Variants in WARS2 observed in about 807,000 individuals in gnomAD.
The protein encoded by WARS2 is tryptophanyl tRNA synthetase 2, mitochondrial.
A neutral mutation model predicts 36.5 loss-of-function variants in WARS2; 28 were observed. The observed-to-expected ratio is 0.77, with a 90% CI of 0.57 to 1.05. WARS2 has a LOEUF of 1.05. Among genes scored for constraint, WARS2 ranks in the 50% least tolerant of loss-of-function variants. The pLI is 0.00. For synonymous variants in WARS2, 174 were observed against 178.4 expected (o/e 0.98, Z 0.20); for missense variants, 435 against 456.8 (o/e 0.95, Z 0.44).
chr1:119,060,645 G>C (rs748839427), intron 2 of WARS2, among the ~76,000 whole-genome samples: 1 of 152,206 alleles, frequency 6.6e-6, no homozygotes, highest in Non-Finnish European at 1.5e-5. Flanking sequence ...GAAGGCATTG[G>C]AGAACAATCG....
At chr1:119,129,095 C>A (rs751768176) in intron 1 of WARS2, among the ~76,000 whole-genome samples, 24 of 152,180 alleles carry the variant, frequency 1.6e-4, no homozygotes, top group Non-Finnish European at 3.4e-4. Flanking sequence ...AGATGTCTGG[C>A]CACTGTAGTC....
chr1:119,106,184 T>A (rs1485009961), intron 1 of WARS2, among the ~76,000 whole-genome samples: 1 of 151,712 alleles, frequency 6.6e-6, no homozygotes, highest in East Asian at 2.0e-4. Flanking sequence ...ACGTTTTAGG[T>A]TCATGGCAAA....
intron 1 of WARS2, chr1:119,085,778 A>G: frequency 6.2e-7 from 1 of 1,601,664 alleles, no homozygotes; most frequent in Non-Finnish European, 8.5e-7. Flanking sequence ...CAATCTCCCC[A>G]TACTGTGAGA....
chr1:119,135,706 TTAGA>T (rs1327404594), intron 1 of WARS2, among the ~76,000 whole-genome samples: 334 of 138,956 alleles, frequency 2.4e-3, no homozygotes, highest in African/African-American at 8.2e-3. Context: ...GATAGATAGA[TTAGA>T]TAGACAGATA....
rs185637485 is a variant in WARS2, at chr1:119,035,437, C to T, written c.516-1224G>A. ...TCATCATGGAGCTTACCTCATATAG[C>T]TCTTTCATGGATAACACGTATACTA... On this transcript the variant is annotated intron_variant, in intron 4 of 5. Transcript: ENST00000235521. Among the ~76,000 whole-genome samples, 14 of 152,176 alleles carry T rather than the reference C, an allele frequency of 9.2e-5. No homozygotes were observed. In the East Asian group the frequency reaches 2.5e-3, roughly 27 times the overall value.
In WARS2 at chr1:119,075,021, C is replaced by CTT. The variant is rs1195093000; in HGVS notation, c.348+1328_348+1329insAA. On this transcript the variant is annotated intron_variant, in intron 2 of 5. Transcript: ENST00000235521. ...AGGAAGAGGATGTTGGTTGAAAAAT[C>CTT]ACCTATTGAGTACAATGTTCACTAT... Among the ~76,000 whole-genome samples, 12 of 152,088 alleles carry CTT rather than the reference C, an allele frequency of 7.9e-5. No homozygotes were observed. In the South Asian group the frequency reaches 1.5e-3, roughly 18 times the overall value.
intron 1 of WARS2, among the ~76,000 whole-genome samples, chr1:119,135,083 C>G (rs1656390363): frequency 6.6e-6 from 1 of 152,126 alleles, no homozygotes; most frequent in Non-Finnish European, 1.5e-5. Flanking sequence ...AGCTTAAGAT[C>G]AATAGAATAC....
At chr1:119,079,297 C>G (rs900954451) in intron 1 of WARS2, among the ~76,000 whole-genome samples, 2 of 152,054 alleles carry the variant, frequency 1.3e-5, no homozygotes, top group Non-Finnish European at 2.9e-5. Context: ...TGTCTTGGAA[C>G]CTGCTAAAGT....
intron 1 of WARS2, among the ~76,000 whole-genome samples, chr1:119,095,062 T>A (rs1360743022): frequency 2.0e-5 from 3 of 152,174 alleles, no homozygotes; most frequent in African/African-American, 4.8e-5. Flanking sequence ...AGGTTTTTTT[T>A]ATGATCGATT....
chr1:119,101,355 T>C (rs986199662), intron 1 of WARS2, among the ~76,000 whole-genome samples: 1 of 152,188 alleles, frequency 6.6e-6, no homozygotes, highest in African/African-American at 2.4e-5. Context: ...AGAGTCATGT[T>C]ACTTTTTATG....
Position 119,140,576 on chromosome 1 carries a change from G to T in WARS2, c.69C>A (p.Ser23=), listed in dbSNP as rs746012762. 2.5e-6 allele frequency: 4 copies of T among 1,613,554 alleles called. No homozygotes were observed. Among genetic ancestry groups the T allele is most frequent in the South Asian group, 1.1e-5 (1 of 91,022 alleles). ...TTACCTGGAGAGCGGGAGCAGCTGC[G>T]GATCCCTTATGAAGTGCCCGGATGA... is the stretch of plus-strand genomic sequence containing the variant. ...WSFIRALHKG[S]AAAPALQKDS... Residue 23 remains serine (S), a synonymous_variant, in exon 1 of 6, where the codon TCC becomes TCA. Transcript: ENST00000235521.
intron 2 of WARS2, among the ~76,000 whole-genome samples, chr1:119,050,151 A>C (rs1435148195): frequency 6.6e-6 from 1 of 152,194 alleles, no homozygotes; most frequent in Non-Finnish European, 1.5e-5. Context: ...TTCTCCAGCC[A>C]TGCTGGCCTT....
chr1:119,083,878 T>TGGCAAG (rs2101364484), intron 1 of WARS2, among the ~76,000 whole-genome samples: 1 of 152,352 alleles, frequency 6.6e-6, no homozygotes, highest in South Asian at 2.1e-4. Flanking sequence ...AAGTGTCATA[T>TGGCAAG]TCTTGCCATA....
chr1:119,126,475 T>A, intron 1 of WARS2: 1 of 392,814 alleles, frequency 2.5e-6, no homozygotes, highest in South Asian at 2.3e-5. Flanking sequence ...CTGAGGTAGA[T>A]ACTATTTTTT....
chr1:119,130,163 C>T (rs755536353), intron 1 of WARS2, among the ~76,000 whole-genome samples: 1 of 151,696 alleles, frequency 6.6e-6, no homozygotes, highest in African/African-American at 2.4e-5. Context: ...AAGGCAATGT[C>T]AATACAATAA....
chr1:119,119,000 A>T (rs774690306), intron 1 of WARS2, among the ~76,000 whole-genome samples: 90 of 152,310 alleles, frequency 5.9e-4, no homozygotes, highest in Non-Finnish European at 7.5e-4. Flanking sequence ...GGCCTATAAA[A>T]AAGTAACACA....
chr1:119,050,687 A>G (rs904986940), intron 2 of WARS2, among the ~76,000 whole-genome samples: 2 of 151,946 alleles, frequency 1.3e-5, no homozygotes, highest in East Asian at 1.9e-4. Context: ...CTAGTGTGTG[A>G]AAAAAAACTG....
intron 1 of WARS2, among the ~76,000 whole-genome samples, chr1:119,125,986 C>T (rs1000428418): frequency 1.3e-5 from 2 of 152,186 alleles, no homozygotes; most frequent in Non-Finnish European, 2.9e-5. Flanking sequence ...CAACCTTCTA[C>T]CTTTTAACTC....
intron 1 of WARS2, among the ~76,000 whole-genome samples, chr1:119,094,448 T>A (rs1486985453): frequency 6.6e-6 from 1 of 152,036 alleles, no homozygotes; most frequent in Non-Finnish European, 1.5e-5. Flanking sequence ...TTGAGATATG[T>A]GTTTGTTTTT....
Sources: allele counts gnomAD v4.1 joint callset (sites outside exome capture counted in the v4.1 genomes callset), GRCh38; gene constraint gnomAD v4.1.1; transcripts MANE v1.5; gene names NCBI Gene and HGNC (gene_info 2026-07-23, HGNC 2026-07-21).